The following DEF6 variants were observed in gnomAD, a reference collection of about 807,000 sequenced individuals.
The protein encoded by DEF6 is DEF6 guanine nucleotide exchange factor, also known as differentially expressed in FDCP 6 homolog.
DEF6 carries 32 observed loss-of-function variants against 80.5 expected under a neutral mutation model. The ratio of observed to expected loss-of-function variants is 0.40; its 90% CI spans 0.30 to 0.53. DEF6 has a LOEUF of 0.53. DEF6 is among the 20% of genes least tolerant of loss of function. The pLI is 0.57. For synonymous variants in DEF6, 300 were observed against 337.9 expected (o/e 0.89, Z 1.23); for missense variants, 575 against 818.7 (o/e 0.70, Z 3.63).
At position 35,309,629 on chromosome 6, in the gene DEF6, TG is replaced by T. The variant is rs1401301529; in HGVS notation, c.97-37del. On this transcript the variant is annotated intron_variant, in intron 1 of 10. Coordinates refer to ENST00000316637, the MANE Select transcript of DEF6 (RefSeq NM_022047.4). ...AGCAGTCCTCTGGCCCAGTTTTGGT[TG>T]GGGTGCAGAAAGACACACTGCCACT... 8 of 1,600,508 alleles carry T rather than the reference TG, an allele frequency of 5.0e-6. No individual in the cohort carries two copies. In the Admixed American group the frequency reaches 6.8e-5, roughly 14 times the overall value.
intron 5 of DEF6, among the ~76,000 whole-genome samples, chr6:35,314,088 C>A (rs577663149): frequency 6.6e-6 from 1 of 152,172 alleles, no homozygotes; most frequent in African/African-American, 2.4e-5. Flanking sequence ...CCTTTCTCCA[C>A]GTCTTCTCCA....
intron 1 of DEF6, among the ~76,000 whole-genome samples, chr6:35,304,363 T>C (rs1050452932): frequency 2.0e-5 from 3 of 152,228 alleles, no homozygotes; most frequent in Middle Eastern, 6.8e-3. Flanking sequence ...GGTCAGGGAA[T>C]ATATATTCCC....
At chr6:35,306,511 TAA>T (rs988384869) in intron 1 of DEF6, among the ~76,000 whole-genome samples, 6 of 140,766 alleles carry the variant, frequency 4.3e-5, no homozygotes, top group Non-Finnish European at 3.1e-5. Context: ...AATTCTGTCT[TAA>T]AAAAAAAAAA....
chr6:35,312,736 G>T lies in DEF6; in HGVS notation c.771G>T (p.Arg257Ser). The T allele has an allele frequency of 6.2e-7, 1 of 1,613,192 alleles. No homozygotes were observed. The highest frequency in any genetic ancestry group is 8.5e-7 in the Non-Finnish European group (1 of 1,179,630). Reference protein sequence around the residue: ...YFGSEECKEKRGIIPLDAHCC... With the variant: ...YFGSEECKEKSGIIPLDAHCC... ...GGAGTGAAGAGTGCAAAGAGAAAAG[G>T]GGCATTATCCCGCTGGATGCACACT... The change falls in exon 5 of 11, where the codon AGG becomes AGT. Residue 257 changes from arginine (R) to serine (S), a missense_variant. Coordinates refer to ENST00000316637, the MANE Select transcript of DEF6 (RefSeq NM_022047.4). This position sits in a 1 kb window ranked among gnomAD's most constrained non-coding sequence, Gnocchi z 6.6.
intron 5 of DEF6, 43 bp from the exon 6 acceptor site, chr6:35,317,848 C>T (rs1261401007): frequency 6.3e-7 from 1 of 1,575,952 alleles, no homozygotes; most frequent in Non-Finnish European, 8.7e-7. Context: ...GGGGCCCTGA[C>T]CCAGTGAGGC....
chr6:35,312,863 G>A lies in DEF6; in HGVS notation c.807+91G>A, dbSNP rs878890228. ...CAAGGGGGTCAGGAGAGGGGCAAATGGAGAAAAGCCACAGTGACACAAATT... is the reference window on the plus strand; with the variant it reads ...CAAGGGGGTCAGGAGAGGGGCAAATAGAGAAAAGCCACAGTGACACAAATT... On this transcript the variant is annotated intron_variant, in intron 5 of 10. Coordinates refer to ENST00000316637, the MANE Select transcript of DEF6 (RefSeq NM_022047.4). The surrounding 1 kb of genome is among the most constrained non-coding windows in gnomAD (Gnocchi z 6.6). The A allele has an allele frequency of 4.9e-6, 7 of 1,428,148 alleles. No individual in the cohort carries two copies. The South Asian group carries it at 9.1e-5, about 19-fold the overall frequency. 88.5% of individuals were successfully genotyped at this position (1,428,148 alleles called of 1,614,324 possible).
chr6:35,319,871 G>A lies in DEF6; in HGVS notation c.1435G>A (p.Glu479Lys). Residue 479 changes from glutamate (E) to lysine (K), a missense_variant, in exon 9 of 11, where the codon GAG becomes AAG. Transcript: ENST00000316637. The surrounding 1 kb of genome is among the most constrained non-coding windows in gnomAD (Gnocchi z 4.5). ...KLKQLMQLKE[E>K]QERYIERAQQ... The stretch of plus-strand genomic sequence containing the variant: ...GAAGCAGTTGATGCAGCTGAAGGAG[G>A]AGCAGGAGCGCTACATCGAACGGGC... The A allele has an allele frequency of 6.3e-7, 1 of 1,585,254 alleles. No individual in the cohort carries two copies. The highest frequency in any genetic ancestry group is 1.3e-5 in the African/African-American group (1 of 74,456).
intron 5 of DEF6, among the ~76,000 whole-genome samples, chr6:35,316,671 T>A (rs762574654): frequency 7.2e-5 from 11 of 152,248 alleles, no homozygotes; most frequent in Non-Finnish European, 1.5e-4. Flanking sequence ...ATATGGTTTT[T>A]GCTCTTGGTT....
At chr6:35,305,149 T>A (rs947835080) in intron 1 of DEF6, among the ~76,000 whole-genome samples, 43 of 148,842 alleles carry the variant, frequency 2.9e-4, no homozygotes, top group African/African-American at 1.0e-3. Flanking sequence ...AAAAAGAATT[T>A]TTTTTTTTTT....
chr6:35,300,957 A>C (rs2090678986), intron 1 of DEF6, among the ~76,000 whole-genome samples: 1 of 152,088 alleles, frequency 6.6e-6, no homozygotes, highest in Admixed American at 6.5e-5. Flanking sequence ...AGGGGTATGT[A>C]GATGGAGCAG....
In DEF6 at chr6:35,318,269, G is replaced by A; in HGVS notation, c.1013G>A (p.Arg338Gln). The A allele has an allele frequency of 6.4e-7, 1 of 1,570,004 alleles. No homozygotes were observed. Among genetic ancestry groups the A allele is most frequent in the Non-Finnish European group, 8.6e-7 (1 of 1,159,392 alleles). Residue 338 changes from arginine to glutamine, a missense_variant, in exon 7 of 11, where the codon CGG (arginine) becomes CAG (glutamine). By Grantham distance (43) the Arg-to-Gln change is conservative. Transcript: ENST00000316637. The surrounding 1 kb of genome is among the most constrained non-coding windows in gnomAD (Gnocchi z 5.1). ...KRREQREQRERRRAAKEEELL... is the reference protein window; with the variant it reads ...KRREQREQREQRRAAKEEELL... ...CGCGAGCAGCGGGAGCAGCGGGAGC[G>A]GCGCCGGGCGGCCAAGGAAGAGGAG...
At position 35,297,942 on chromosome 6, in the gene DEF6, C is replaced by T. The variant is rs1190132582; in HGVS notation, c.86C>T (p.Ser29Phe). ...DVEKSGKVSK[S>F]QLKVLSHNLY... ...GAGAAGAGTGGCAAAGTCTCCAAGT[C>T]CCAGCTCAAGGTGAGGGGCACCCGG... is the stretch of plus-strand genomic sequence containing the variant. The change falls in exon 1 of 11, where the codon TCC becomes TTC. Residue 29 changes from serine (S) to phenylalanine (F), a missense_variant. Coordinates refer to ENST00000316637, the MANE Select transcript of DEF6 (RefSeq NM_022047.4). The T allele has an allele frequency of 6.2e-7, 1 of 1,600,362 alleles. No individual in the cohort carries two copies. Among genetic ancestry groups the T allele is most frequent in the East Asian group, 2.3e-5 (1 of 44,422 alleles).
rs764630979 is a variant in DEF6 at position 35,319,860 on chromosome 6, A to T, written c.1424A>T (p.Gln475Leu). 10 of 1,587,930 alleles carry T rather than the reference A, an allele frequency of 6.3e-6. No homozygotes were observed. The South Asian group carries it at 9.1e-5, about 14-fold the overall frequency. ...EEEEKLKQLM[Q>L]LKEEQERYIE... ...GAAGAGAAGCTGAAGCAGTTGATGC[A>T]GCTGAAGGAGGAGCAGGAGCGCTAC... Residue 475 changes from glutamine to leucine, a missense_variant, in exon 9 of 11, where the codon CAG becomes CTG. Gln to Leu is a moderately radical substitution (Grantham distance 113). Coordinates refer to ENST00000316637, the MANE Select transcript of DEF6 (RefSeq NM_022047.4). The surrounding 1 kb of genome is among the most constrained non-coding windows in gnomAD (Gnocchi z 4.5).
intron 1 of DEF6, among the ~76,000 whole-genome samples, chr6:35,303,051 C>T (rs1321104830): frequency 6.6e-6 from 1 of 152,196 alleles, no homozygotes; most frequent in Non-Finnish European, 1.5e-5. Context: ...GTCACACCCT[C>T]TCTCCACCCC....
At chr6:35,309,547 A>C in intron 1 of DEF6, 123 bp from the exon 2 acceptor site, 1 of 1,087,234 alleles carries the variant, frequency 9.2e-7, no homozygotes, top group Non-Finnish European at 1.3e-6. Flanking sequence ...TACTGAACTG[A>C]ACAGTGTGTG....
chr6:35,304,194 G>A (rs1007969759), intron 1 of DEF6, among the ~76,000 whole-genome samples: 2 of 152,082 alleles, frequency 1.3e-5, no homozygotes, highest in East Asian at 1.9e-4. Flanking sequence ...GATGGCGCAC[G>A]CCTACAGTTC....
intron 5 of DEF6, among the ~76,000 whole-genome samples, chr6:35,316,297 G>A (rs1281636342): frequency 2.6e-5 from 4 of 151,780 alleles, no homozygotes; most frequent in South Asian, 2.1e-4. Context: ...AAGCCACCAC[G>A]CCCCATGGAG....
At chr6:35,304,336 C>T (rs1791364403) in intron 1 of DEF6, among the ~76,000 whole-genome samples, 1 of 152,056 alleles carries the variant, frequency 6.6e-6, no homozygotes, top group Non-Finnish European at 1.5e-5. Context: ...ATAAGGTGAT[C>T]AGAGGATATT....
intron 10 of DEF6, 63 bp from the exon 11 acceptor site, chr6:35,321,124 A>G (rs1363998814): frequency 6.4e-7 from 1 of 1,573,988 alleles, no homozygotes; most frequent in Non-Finnish European, 8.7e-7. Context: ...GGGCTGAGGC[A>G]AGGCCCCTCG....
Sources: allele counts gnomAD v4.1 joint callset (sites outside exome capture counted in the v4.1 genomes callset), GRCh38; gene constraint gnomAD v4.1.1; non-coding constraint Gnocchi (gnomAD v3.1); transcripts MANE v1.5; gene names NCBI Gene and HGNC (gene_info 2026-07-23, HGNC 2026-07-21).